MIPOL1: variants seen among roughly 807,000 people sequenced by gnomAD.
The protein encoded by MIPOL1 is mirror-image polydactyly 1, also known as mirror-image polydactyly gene 1 protein.
A neutral mutation model predicts 60.9 loss-of-function variants in MIPOL1; 57 were observed. The ratio of observed to expected loss-of-function variants is 0.94; its 90% CI spans 0.76 to 1.17. MIPOL1 has a LOEUF of 1.17. MIPOL1 is among the 50% of genes most tolerant of loss of function. The probability of loss-of-function intolerance (pLI) is 0.00; values close to 1 mark genes in which losing one functional copy is unlikely to be tolerated. For synonymous variants in MIPOL1, 179 were observed against 168.8 expected, an observed-to-expected ratio of 1.06 and a Z score of -0.47; for missense variants, 551 against 511.6, an observed-to-expected ratio of 1.08 and a Z score of -0.74.
chr14:37,238,786 CAAA>C (rs778152612), intron 1 of MIPOL1, among the ~76,000 whole-genome samples: 1 of 86,900 alleles, frequency 1.2e-5, no homozygotes. Flanking sequence ...CCCACTTCTA[CAAA>C]AAAAAAAAAA....
At position 37,404,581 on chromosome 14, in the gene MIPOL1, T is replaced by C. The variant is rs187443011; in HGVS notation, c.937-18274T>C. On this transcript the variant is annotated intron_variant, in intron 10 of 12. Coordinates refer to ENST00000684589, the MANE Select transcript of MIPOL1 (RefSeq NM_001388067.1). The stretch of plus-strand genomic sequence containing the variant: ...ACTTGTCTGATTCCTTCTCCAGAAA[T>C]TGCATAATGGAAACTACCATAGATT... Among the ~76,000 whole-genome samples the C allele has an allele frequency of 1.6e-4, 25 of 152,304 alleles. No individual in the cohort carries two copies. In the East Asian group the frequency reaches 4.8e-3, roughly 29 times the overall value.
chr14:37,372,505 G>A (rs989953398), intron 10 of MIPOL1, among the ~76,000 whole-genome samples: 4 of 152,016 alleles, frequency 2.6e-5, no homozygotes, highest in African/African-American at 9.7e-5. Flanking sequence ...TGTAATCCCA[G>A]CACTTAGGGA....
intron 11 of MIPOL1, among the ~76,000 whole-genome samples, chr14:37,477,105 G>A (rs1016292709): frequency 7.2e-5 from 11 of 151,794 alleles, no homozygotes; most frequent in Admixed American, 5.3e-4. Context: ...TCACCATGTT[G>A]GCCAGGCTGG....
At chr14:37,329,557 C>T (rs147328169) in intron 9 of MIPOL1, among the ~76,000 whole-genome samples, 1 of 152,206 alleles carries the variant, frequency 6.6e-6, no homozygotes, top group East Asian at 1.9e-4. Flanking sequence ...AATGTTTGGG[C>T]AGCACATATT....
chr14:37,281,173 A>G (rs2084076447), intron 6 of MIPOL1, among the ~76,000 whole-genome samples: 1 of 152,116 alleles, frequency 6.6e-6, no homozygotes, highest in Non-Finnish European at 1.5e-5. Flanking sequence ...GTGCATTTTA[A>G]ACTGATTCTT....
At chr14:37,287,709 C>A (rs1160788610) in intron 7 of MIPOL1, among the ~76,000 whole-genome samples, 1 of 152,048 alleles carries the variant, frequency 6.6e-6, no homozygotes, top group Non-Finnish European at 1.5e-5. Flanking sequence ...TTTCTAAAAG[C>A]TCTTCTAATA....
At chr14:37,535,254 G>A (rs796814646) in intron 12 of MIPOL1, among the ~76,000 whole-genome samples, 28 of 152,052 alleles carry the variant, frequency 1.8e-4, no homozygotes, top group African/African-American at 4.8e-4. Flanking sequence ...ATTTTTTGGC[G>A]CCTTGTCTAC....
intron 9 of MIPOL1, among the ~76,000 whole-genome samples, chr14:37,367,556 A>C (rs532634999): frequency 8.6e-4 from 130 of 151,988 alleles, no homozygotes; most frequent in South Asian, 3.5e-3. Context: ...ACACTTCTTA[A>C]GTTTCTACTT....
chr14:37,411,680 A>G (rs1380209994), intron 10 of MIPOL1, among the ~76,000 whole-genome samples: 1 of 152,176 alleles, frequency 6.6e-6, no homozygotes. Flanking sequence ...TCTTGTTACA[A>G]TAGCAGTTGT....
chr14:37,253,141 G>C (rs1229750928), intron 3 of MIPOL1, among the ~76,000 whole-genome samples: 1 of 151,740 alleles, frequency 6.6e-6, no homozygotes, highest in Non-Finnish European at 1.5e-5. Context: ...AGTGGTTTTA[G>C]CTTATTGCCT....
chr14:37,225,697 CATTGTCTTGGGG>C lies in MIPOL1; in HGVS notation c.-198-21402_-198-21391del, dbSNP rs566224736. 2.0e-3 allele frequency among the ~76,000 whole-genome samples: 297 copies of C among 152,300 alleles called. 1 individual carries two copies. The highest frequency in any genetic ancestry group is 6.6e-3 in the African/African-American group (274 of 41,576). On this transcript the variant is annotated intron_variant, in intron 1 of 12. Transcript: ENST00000684589. Reference sequence around the variant, plus strand: ...TGACATACCCTGGAGACATTTTCCCCATTGTCTTGGGGATTAATATTTGGCTCCTCATTACTT... The same window carrying C: ...TGACATACCCTGGAGACATTTTCCCCATTAATATTTGGCTCCTCATTACTT...
At chr14:37,349,426 G>T (rs1384845389) in intron 9 of MIPOL1, among the ~76,000 whole-genome samples, 1 of 152,054 alleles carries the variant, frequency 6.6e-6, no homozygotes, top group Non-Finnish European at 1.5e-5. Context: ...GAATCTCAAG[G>T]CTCTGCTGTC....
chr14:37,223,724 C>T (rs1375350073), intron 1 of MIPOL1, among the ~76,000 whole-genome samples: 3 of 152,180 alleles, frequency 2.0e-5, no homozygotes, highest in Admixed American at 6.5e-5. Flanking sequence ...TGGTCTTGAA[C>T]TCCTGACCTC....
chr14:37,465,971 T>C (rs113742363), intron 11 of MIPOL1, among the ~76,000 whole-genome samples: 2,506 of 152,290 alleles, frequency 0.016, 65 homozygotes, highest in African/African-American at 0.054. Flanking sequence ...GCTAGTTTTT[T>C]TGCTTAGCTA....
intron 1 of MIPOL1, among the ~76,000 whole-genome samples, chr14:37,237,335 C>T (rs1971646314): frequency 6.6e-6 from 1 of 152,066 alleles, no homozygotes; most frequent in Non-Finnish European, 1.5e-5. Flanking sequence ...GCTTCAAGTA[C>T]AAGACTCCCA....
chr14:37,544,881 TA>T (rs2095541860), intron 12 of MIPOL1, among the ~76,000 whole-genome samples: 2 of 152,170 alleles, frequency 1.3e-5, no homozygotes, highest in African/African-American at 4.8e-5. Flanking sequence ...ATAAGAGTTC[TA>T]AATGGAAAGA....
rs2095558620 is a variant in MIPOL1 at position 37,550,254 on chromosome 14, T to C, written c.*3283T>C. 1.3e-5 allele frequency: 2 copies of C among 151,172 alleles called. No individual in the cohort carries two copies. The highest frequency in any genetic ancestry group is 4.1e-4 in the South Asian group (2 of 4,828). 9.4% of individuals were successfully genotyped at this position (151,172 alleles called of 1,614,324 possible). On this transcript the variant is annotated 3_prime_UTR_variant, in exon 13 of 13. Coordinates refer to ENST00000684589, the MANE Select transcript of MIPOL1 (RefSeq NM_001388067.1). Reference sequence around the variant, plus strand: ...CTAGAATATTAAAGATTTATACTTTTAATATTGAATATAGTTTCGTAGAAA... The same window carrying C: ...CTAGAATATTAAAGATTTATACTTTCAATATTGAATATAGTTTCGTAGAAA...
chr14:37,256,298 A>G (rs548238901), intron 3 of MIPOL1, among the ~76,000 whole-genome samples: 2 of 152,040 alleles, frequency 1.3e-5, no homozygotes, highest in African/African-American at 4.8e-5. Flanking sequence ...TTTGGAAGAA[A>G]GAAATATGAT....
intron 12 of MIPOL1, among the ~76,000 whole-genome samples, chr14:37,536,814 A>G (rs572008024): frequency 4.6e-5 from 7 of 152,332 alleles, no homozygotes; most frequent in East Asian, 1.9e-4. Context: ...AAAGAAAAAA[A>G]TGTGGCCCAA....
Sources: gnomAD v4.1 joint callset for allele counts (sites outside exome capture counted in the v4.1 genomes callset) on GRCh38, gnomAD v4.1.1 for gene constraint, MANE v1.5 for transcripts, NCBI Gene and HGNC (gene_info 2026-07-23, HGNC 2026-07-21) for gene names.